The following TMEM135 variants were observed in gnomAD, a reference collection of about 807,000 sequenced individuals.
TMEM135 encodes the protein transmembrane protein 135, also known as peroxisomal membrane protein 52.
A neutral mutation model predicts 60.3 loss-of-function variants in TMEM135; 30 were observed. That is an observed-to-expected ratio of 0.50 (90% CI 0.37 to 0.68). TMEM135 has a LOEUF of 0.68. Among genes scored for constraint, TMEM135 ranks in the 30% least tolerant of loss-of-function variants. The probability of loss-of-function intolerance (pLI) is 0.00; values close to 1 mark genes in which losing one functional copy is unlikely to be tolerated. For missense variants in TMEM135, 468 were observed against 548.8 expected (o/e 0.85, Z 1.47); for synonymous variants, 190 against 186.7 (o/e 1.02, Z -0.14).
chr11:87,106,222 G>T (rs895547327), intron 4 of TMEM135, among the ~76,000 whole-genome samples: 10 of 151,832 alleles, frequency 6.6e-5, no homozygotes, highest in Admixed American at 6.6e-5. Context: ...TCCTGCCTCA[G>T]CCTCCTGAGT....
intron 13 of TMEM135, 96 bp downstream of exon 13, chr11:87,318,331 T>C: frequency 1.1e-6 from 1 of 920,930 alleles, no homozygotes; most frequent in Non-Finnish European, 1.7e-6. Context: ...AACATTTCTA[T>C]TTACAGTATT....
chr11:87,038,928 A>G (rs1418468482), intron 1 of TMEM135, among the ~76,000 whole-genome samples: 1 of 152,156 alleles, frequency 6.6e-6, no homozygotes, highest in Non-Finnish European at 1.5e-5. Context: ...ACTATTAAAG[A>G]TGCTCTTAAA....
At chr11:87,093,358 A>G (rs1471778243) in intron 4 of TMEM135, among the ~76,000 whole-genome samples, 1 of 151,950 alleles carries the variant, frequency 6.6e-6, no homozygotes, top group Non-Finnish European at 1.5e-5. Flanking sequence ...GACCACAGGC[A>G]TGTACCACAA....
intron 6 of TMEM135, among the ~76,000 whole-genome samples, chr11:87,284,380 C>A (rs1258869292): frequency 2.0e-5 from 3 of 152,160 alleles, no homozygotes; most frequent in African/African-American, 7.2e-5. Context: ...ACATGACCTT[C>A]CTAGTTTGGA....
intron 4 of TMEM135, chr11:87,096,155 A>G: frequency 3.3e-6 from 1 of 301,548 alleles, no homozygotes; most frequent in South Asian, 3.7e-5. Context: ...CTGAAACAGG[A>G]CTACTACTTG....
At chr11:87,180,767 G>A (rs985659635) in intron 5 of TMEM135, among the ~76,000 whole-genome samples, 7 of 152,088 alleles carry the variant, frequency 4.6e-5, no homozygotes, top group African/African-American at 1.4e-4. Context: ...GAAGCTAACA[G>A]GGTTGATTGT....
intron 1 of TMEM135, among the ~76,000 whole-genome samples, chr11:87,057,030 A>G (rs1384999299): frequency 1.3e-5 from 2 of 152,204 alleles, no homozygotes; most frequent in African/African-American, 2.4e-5. Flanking sequence ...TTCCATCACT[A>G]AAAGTTGAAG....
At chr11:87,210,696 A>G (rs994185409) in intron 5 of TMEM135, among the ~76,000 whole-genome samples, 1 of 152,114 alleles carries the variant, frequency 6.6e-6, no homozygotes, top group Non-Finnish European at 1.5e-5. Context: ...AGAGCAACAA[A>G]AAAGGAAAAC....
intron 6 of TMEM135, chr11:87,258,702 A>T: frequency 2.7e-6 from 1 of 375,706 alleles, no homozygotes; most frequent in Non-Finnish European, 5.1e-6. Flanking sequence ...AAGTCTCTTC[A>T]TGAGACAATG....
intron 7 of TMEM135, among the ~76,000 whole-genome samples, chr11:87,297,192 G>A (rs1942361348): frequency 6.6e-6 from 1 of 152,106 alleles, no homozygotes; most frequent in South Asian, 2.1e-4. Flanking sequence ...GTGAAAATGA[G>A]GACTGATATT....
intron 1 of TMEM135, among the ~76,000 whole-genome samples, chr11:87,052,718 A>T (rs200170039): frequency 4.6e-3 from 408 of 89,574 alleles, no homozygotes; most frequent in Non-Finnish European, 4.9e-3. Flanking sequence ...TGTTGGTGGG[A>T]CTGTAAACTA....
chr11:87,153,933 G>T (rs1938625834), intron 4 of TMEM135, among the ~76,000 whole-genome samples: 1 of 152,106 alleles, frequency 6.6e-6, no homozygotes, highest in Non-Finnish European at 1.5e-5. Flanking sequence ...TGTAAGATGG[G>T]GAAGCATTGG....
rs555311880 is a variant in TMEM135, at chr11:87,247,749, G to A, written c.509+11065G>A. Among the ~76,000 whole-genome samples the A allele has an allele frequency of 3.4e-3, 522 of 152,218 alleles. 6 individuals carry two copies. Among genetic ancestry groups the A allele is most frequent in the Admixed American group, 7.1e-3 (109 of 15,290 alleles). ...GTGGGAGTGACCCGATTTTCCAGGTGCCGTCTGTCACCCCTTTCTTTGACT... is the reference window on the plus strand; with the variant it reads ...GTGGGAGTGACCCGATTTTCCAGGTACCGTCTGTCACCCCTTTCTTTGACT... On this transcript the variant is annotated intron_variant, in intron 6 of 14. Transcript: ENST00000305494.
chr11:87,319,366 C>T lies in TMEM135; in HGVS notation c.1233C>T (p.Leu411=), dbSNP rs991303212. The T allele has an allele frequency of 4.3e-6, 7 of 1,612,068 alleles. No individual in the cohort carries two copies. Among genetic ancestry groups the T allele is most frequent in the Middle Eastern group, 1.6e-4 (1 of 6,074 alleles). Residue 411 remains leucine, a synonymous_variant, in exon 14 of 15, where the codon CTC becomes CTT. Coordinates refer to ENST00000305494, the MANE Select transcript of TMEM135 (RefSeq NM_022918.4). ...RPSYWKFLLR[L]TKGKFAVMNR... ...CTTACTGGAAGTTCCTTTTAAGACTCACCAAGGGCAAGTAAGTGACTACGT... is the reference window on the plus strand; with the variant it reads ...CTTACTGGAAGTTCCTTTTAAGACTTACCAAGGGCAAGTAAGTGACTACGT...
intron 4 of TMEM135, among the ~76,000 whole-genome samples, chr11:87,154,050 C>T (rs994569397): frequency 3.9e-5 from 6 of 152,162 alleles, no homozygotes; most frequent in African/African-American, 1.4e-4. Flanking sequence ...AGTAAATTCA[C>T]ATTGTTGTGC....
intron 6 of TMEM135, among the ~76,000 whole-genome samples, chr11:87,262,228 T>A: frequency 6.6e-6 from 1 of 152,220 alleles, no homozygotes; most frequent in South Asian, 2.1e-4. Flanking sequence ...TTTATGTTAC[T>A]GTTTATATAT....
intron 4 of TMEM135, among the ~76,000 whole-genome samples, chr11:87,109,977 G>C (rs1365607659): frequency 6.6e-6 from 1 of 152,146 alleles, no homozygotes; most frequent in Non-Finnish European, 1.5e-5. Context: ...TAATGGAATG[G>C]ATAACAGAAT....
At chr11:87,227,590 T>A (rs576286614) in intron 5 of TMEM135, among the ~76,000 whole-genome samples, 2 of 152,126 alleles carry the variant, frequency 1.3e-5, no homozygotes, top group Admixed American at 1.3e-4. Flanking sequence ...ATGGGAGATT[T>A]TAATTAAACA....
intron 4 of TMEM135, among the ~76,000 whole-genome samples, chr11:87,151,996 G>C (rs2135260241): frequency 6.6e-6 from 1 of 152,276 alleles, no homozygotes; most frequent in Non-Finnish European, 1.5e-5. Flanking sequence ...TAGACAAGAA[G>C]AGAGGAGTCT....
Sources: gnomAD v4.1 joint callset for allele counts (sites outside exome capture counted in the v4.1 genomes callset) on GRCh38, gnomAD v4.1.1 for gene constraint, MANE v1.5 for transcripts, NCBI Gene and HGNC (gene_info 2026-07-23, HGNC 2026-07-21) for gene names.